DLC1: variants seen among roughly 807,000 people sequenced by gnomAD.
The protein encoded by DLC1 is rho GTPase-activating protein 7.
In DLC1, 54 loss-of-function variants were observed where a neutral mutation model predicts 140.3. That is an observed-to-expected ratio of 0.38 (90% CI 0.31 to 0.48). The LOEUF (loss-of-function observed/expected upper bound fraction) is 0.48. Among genes scored for constraint, DLC1 ranks in the 20% least tolerant of loss-of-function variants. DLC1 has a pLI of 0.96. For missense variants in DLC1, 2,536 were observed against 1,907.0 expected (o/e 1.33, Z -6.14); for synonymous variants, 986 against 728.1 (o/e 1.35, Z -5.70).
At chr8:13,510,337 C>G (rs1049233859) in intron 1 of DLC1, among the ~76,000 whole-genome samples, 2 of 152,042 alleles carry the variant, frequency 1.3e-5, no homozygotes, top group African/African-American at 2.4e-5. Flanking sequence ...CCATGCCTGG[C>G]TAAAGTTTTT....
intron 2 of DLC1, among the ~76,000 whole-genome samples, chr8:13,426,910 T>C (rs1452800423): frequency 1.3e-5 from 2 of 152,104 alleles, no homozygotes; most frequent in Non-Finnish European, 2.9e-5. Context: ...ACTGGAAAAA[T>C]TTGTCATATC....
chr8:13,143,621 ATTTTT>A (rs35614849), intron 5 of DLC1, among the ~76,000 whole-genome samples: 1 of 145,108 alleles, frequency 6.9e-6, no homozygotes, highest in African/African-American at 2.6e-5. Flanking sequence ...ACCCTGGTTG[ATTTTT>A]TTTTTTTTTT....
At chr8:13,601,744 GAC>G (rs1296381976) in intron 1 of DLC1, among the ~76,000 whole-genome samples, 2 of 151,396 alleles carry the variant, frequency 1.3e-5, no homozygotes, top group Non-Finnish European at 3.0e-5. Flanking sequence ...AAAAACCTGA[GAC>G]AATTAATTTT....
chr8:13,471,412 T>C (rs191945332), intron 2 of DLC1, among the ~76,000 whole-genome samples: 2 of 150,730 alleles, frequency 1.3e-5, no homozygotes, highest in East Asian at 3.9e-4. Flanking sequence ...CAAAACACTG[T>C]CATACACCCT....
At chr8:13,127,947 C>G (rs1244551386) in intron 5 of DLC1, among the ~76,000 whole-genome samples, 2 of 151,712 alleles carry the variant, frequency 1.3e-5, no homozygotes, top group Non-Finnish European at 2.9e-5. Flanking sequence ...TTTTCCCCGA[C>G]GGGGGAAGGG....
intron 1 of DLC1, among the ~76,000 whole-genome samples, chr8:13,529,357 T>A (rs1343971806): frequency 6.6e-6 from 1 of 152,170 alleles, no homozygotes; most frequent in Non-Finnish European, 1.5e-5. Context: ...TACAATAATT[T>A]GAGATTGTTT....
rs1487244317 is a variant in DLC1 at position 13,410,472 on chromosome 8, C to T, written c.1024-8853G>A. Among the ~76,000 whole-genome samples, 7 of 152,054 alleles carry T rather than the reference C, an allele frequency of 4.6e-5. No homozygotes were observed. In the East Asian group the frequency reaches 1.4e-3, roughly 29 times the overall value. The stretch of plus-strand genomic sequence containing the variant: ...AAATCCAAGAGAATAATACGAAAAT[C>T]TGATAATTTCAACAAATCAAAGAAT... On this transcript the variant is annotated intron_variant, in intron 2 of 17. Transcript: ENST00000276297.
intron 5 of DLC1, among the ~76,000 whole-genome samples, chr8:13,230,658 G>C (rs1829006033): frequency 6.8e-6 from 1 of 147,030 alleles, no homozygotes; most frequent in African/African-American, 2.5e-5. Context: ...GTGTAGTGGT[G>C]TGATCTCAGC....
chr8:13,188,801 G>GTATATATATATATATATATATATGTA (rs1826545503), intron 5 of DLC1, among the ~76,000 whole-genome samples: 2 of 71,880 alleles, frequency 2.8e-5, no homozygotes. Flanking sequence ...GTGTGTGTGT[G>GTATATATATATATATATATATATGTA]TATATATATA....
intron 5 of DLC1, chr8:13,133,447 C>G (rs1185680269): frequency 1.1e-5 from 4 of 377,524 alleles, no homozygotes; most frequent in Non-Finnish European, 1.5e-5. Flanking sequence ...CTCCGCCCCC[C>G]GCCCCTCTTC....
intron 5 of DLC1, chr8:13,116,182 T>C (rs1420616834): frequency 2.0e-6 from 2 of 985,696 alleles, no homozygotes; most frequent in African/African-American, 1.7e-5. Flanking sequence ...CAGGTACTCA[T>C]CAGGTATTAA....
intron 5 of DLC1, among the ~76,000 whole-genome samples, chr8:13,275,082 C>A (rs1208475392): frequency 6.6e-6 from 1 of 152,206 alleles, no homozygotes; most frequent in African/African-American, 2.4e-5. Flanking sequence ...TTGCTCCCTT[C>A]CCTACCTAAT....
Position 13,113,550 on chromosome 8 carries a change from A to G in DLC1, c.1420+2036T>C, listed in dbSNP as rs1293673535. Among the ~76,000 whole-genome samples the G allele has an allele frequency of 2.6e-5, 4 of 152,256 alleles. No individual in the cohort carries two copies. In the East Asian group the frequency reaches 7.7e-4, roughly 29 times the overall value. On this transcript the variant is annotated intron_variant, in intron 6 of 17. Coordinates refer to ENST00000276297, the MANE Select transcript of DLC1 (RefSeq NM_182643.3). ...ATATCACAAGAAAGTGCTACCTGGC[A>G]GCAAATCAATGCCAAAAACGAGCAT...
At chr8:13,498,249 TG>T (rs893636599) in intron 2 of DLC1, among the ~76,000 whole-genome samples, 18 of 152,152 alleles carry the variant, frequency 1.2e-4, no homozygotes, top group African/African-American at 4.3e-4. Flanking sequence ...CTACAGTTTT[TG>T]GAAAAATGTG....
intron 1 of DLC1, among the ~76,000 whole-genome samples, chr8:13,540,433 G>T (rs1010017677): frequency 6.6e-6 from 1 of 152,048 alleles, no homozygotes; most frequent in South Asian, 2.1e-4. Context: ...CAGTTTTAAT[G>T]AACCTCTTTA....
chr8:13,377,250 G>C (rs76679975), intron 4 of DLC1, among the ~76,000 whole-genome samples: 3,465 of 152,276 alleles, frequency 0.023, 70 homozygotes, highest in South Asian at 0.086. Context: ...CAATGAATGA[G>C]TGAATGAAAA....
intron 4 of DLC1, among the ~76,000 whole-genome samples, chr8:13,307,062 T>C (rs1458980262): frequency 4.5e-5 from 5 of 110,526 alleles, no homozygotes; most frequent in East Asian, 2.7e-4. Flanking sequence ...CCATCCAGGG[T>C]GACAGAGAGA....
intron 5 of DLC1, among the ~76,000 whole-genome samples, chr8:13,208,061 T>A (rs1025597892): frequency 1.3e-5 from 2 of 152,194 alleles, no homozygotes; most frequent in African/African-American, 4.8e-5. Context: ...AAATCCATCT[T>A]ATGTTTAGCT....
intron 2 of DLC1, among the ~76,000 whole-genome samples, chr8:13,476,105 G>T (rs1026211944): frequency 1.3e-5 from 2 of 152,176 alleles, no homozygotes; most frequent in Non-Finnish European, 2.9e-5. Flanking sequence ...AATACATCCG[G>T]TTGAAAGCAA....
Sources: gnomAD v4.1 joint callset for allele counts (sites outside exome capture counted in the v4.1 genomes callset) on GRCh38, gnomAD v4.1.1 for gene constraint, MANE v1.5 for transcripts, NCBI Gene and HGNC (gene_info 2026-07-23, HGNC 2026-07-21) for gene names.